Variants in TBC1D14 observed in about 807,000 individuals in gnomAD.
TBC1D14 encodes TBC1 domain family, member 14.
Under a neutral mutation model 79.0 loss-of-function variants are expected in TBC1D14, and 26 were observed. The observed-to-expected ratio is 0.33, with a 90% CI of 0.24 to 0.46. The LOEUF (loss-of-function observed/expected upper bound fraction) is 0.46, where lower values mean the gene tolerates loss of function less well. Ranked by LOEUF, TBC1D14 falls within the 20% of genes least tolerant of loss-of-function variation. TBC1D14 has a pLI of 1.00. For synonymous variants in TBC1D14, 394 were observed against 349.9 expected, an observed-to-expected ratio of 1.13 and a Z score of -1.40; for missense variants, 769 against 887.6, an observed-to-expected ratio of 0.87 and a Z score of 1.70.
At chr4:7,010,559 G>A (rs1272819969) in intron 10 of TBC1D14, 94 bp from the exon 11 acceptor site, 3 of 1,477,962 alleles carry the variant, frequency 2.0e-6, no homozygotes, top group Non-Finnish European at 2.7e-6. Flanking sequence ...CACTTCTAGT[G>A]TGAGGGTGGT....
chr4:6,990,390 A>C (rs1477545172), intron 3 of TBC1D14, among the ~76,000 whole-genome samples: 1 of 152,240 alleles, frequency 6.6e-6, no homozygotes, highest in African/African-American at 2.4e-5. Flanking sequence ...CAGAGGTTGC[A>C]GTGAGCCAAG....
chr4:7,025,703 C>T (rs1253796937), intron 13 of TBC1D14, among the ~76,000 whole-genome samples: 1 of 152,172 alleles, frequency 6.6e-6, no homozygotes, highest in Admixed American at 6.6e-5. Context: ...GTGGGATTAC[C>T]CCCCTCTTAC....
At chr4:7,023,552 G>C (rs1722035313) in intron 12 of TBC1D14, among the ~76,000 whole-genome samples, 1 of 152,224 alleles carries the variant, frequency 6.6e-6, no homozygotes. Flanking sequence ...TTTTGAAACA[G>C]CAAGAAGCTC....
intron 2 of TBC1D14, among the ~76,000 whole-genome samples, chr4:6,944,187 C>T (rs572055155): frequency 6.6e-6 from 1 of 152,054 alleles, no homozygotes; most frequent in East Asian, 1.9e-4. Flanking sequence ...TTTTTATTTC[C>T]TTGCAGACTT....
At chr4:6,938,724 G>A (rs538932072) in intron 2 of TBC1D14, among the ~76,000 whole-genome samples, 11 of 152,318 alleles carry the variant, frequency 7.2e-5, no homozygotes, top group African/African-American at 1.9e-4. Flanking sequence ...CTTGCCTCGC[G>A]GGCCTTCTGT....
chr4:6,938,360 C>G (rs1299362254), intron 2 of TBC1D14, among the ~76,000 whole-genome samples: 2 of 152,156 alleles, frequency 1.3e-5, no homozygotes, highest in Non-Finnish European at 2.9e-5. Flanking sequence ...TGGAGAGGGC[C>G]AGGCCAGGAT....
chr4:6,960,908 A>G lies in TBC1D14; in HGVS notation c.723-6396A>G, dbSNP rs549746289. Among the ~76,000 whole-genome samples, 14 of 152,304 alleles carry G rather than the reference A, an allele frequency of 9.2e-5. No homozygotes were observed. In the East Asian group the frequency reaches 1.5e-3, roughly 17 times the overall value. On this transcript the variant is annotated intron_variant, in intron 2 of 13. Coordinates refer to ENST00000409757, the MANE Select transcript of TBC1D14 (RefSeq NM_020773.3). ...CGAGAGAGGCCAGAATCGGTGTCCA[A>G]CGCGTACCTGACTACTCTTGTTGGG...
intron 1 of TBC1D14, among the ~76,000 whole-genome samples, chr4:6,912,294 C>T (rs1028949320): frequency 1.3e-5 from 2 of 151,806 alleles, no homozygotes; most frequent in Admixed American, 6.6e-5. Flanking sequence ...GCAGGAGAAT[C>T]GCTTGAACCC....
At chr4:6,930,236 T>G (rs1033909432) in intron 2 of TBC1D14, among the ~76,000 whole-genome samples, 1 of 152,216 alleles carries the variant, frequency 6.6e-6, no homozygotes, top group Non-Finnish European at 1.5e-5. Context: ...AATTGCTTCT[T>G]GAGCCATCGC....
chr4:6,956,308 C>T (rs909622738), intron 2 of TBC1D14, among the ~76,000 whole-genome samples: 2 of 152,108 alleles, frequency 1.3e-5, no homozygotes, highest in Admixed American at 6.6e-5. Context: ...GGACAGACCA[C>T]CCCTGGCCAG....
intron 8 of TBC1D14, 92 bp from the exon 9 acceptor site, chr4:7,006,540 C>T: frequency 1.7e-6 from 2 of 1,178,518 alleles, no homozygotes; most frequent in African/African-American, 1.5e-5. Flanking sequence ...AAACTTTTTT[C>T]CGTGTTTTGT....
intron 2 of TBC1D14, among the ~76,000 whole-genome samples, chr4:6,928,923 G>A (rs1282253272): frequency 5.3e-5 from 8 of 152,188 alleles, no homozygotes; most frequent in Non-Finnish European, 8.8e-5. Flanking sequence ...ATGTTTTTAT[G>A]TTGCCTGACT....
chr4:6,990,265 A>G (rs1406011980), intron 3 of TBC1D14, among the ~76,000 whole-genome samples: 2 of 152,180 alleles, frequency 1.3e-5, no homozygotes, highest in African/African-American at 4.8e-5. Context: ...CCTGGCCAAC[A>G]TGGCAAAACC....
chr4:7,009,859 C>T lies in TBC1D14; in HGVS notation c.1447-18C>T, dbSNP rs571820088. 12 of 1,613,908 alleles carry T rather than the reference C, an allele frequency of 7.4e-6. No homozygotes were observed. In the South Asian group the frequency reaches 1.3e-4, roughly 18 times the overall value. On this transcript the variant is annotated intron_variant, in intron 9 of 13. Transcript: ENST00000409757. The stretch of plus-strand genomic sequence containing the variant: ...AGTACTCATGCATGTGTTGTTTTTG[C>T]TGTGTTGATCCTTTTAGGGTGGTCC...
chr4:7,025,382 G>T (rs1722257374), intron 13 of TBC1D14, 120 bp downstream of exon 13: 1 of 1,460,246 alleles, frequency 6.8e-7, no homozygotes. Flanking sequence ...TCCCTGGGCT[G>T]GAACTGAGGG....
chr4:7,014,553 G>T lies in TBC1D14; in HGVS notation c.1753G>T (p.Asp585Tyr), dbSNP rs1385462204. 4 of 1,600,590 alleles carry T rather than the reference G, an allele frequency of 2.5e-6. No individual in the cohort carries two copies. In the South Asian group the frequency reaches 3.3e-5, roughly 13 times the overall value. ...NNLTPDIYLI[D>Y]WIFTLYSKSL... ...CCTAACTCCAGATATCTACCTAATT[G>T]ATTGGTAAGACTGGCTTTTCCCTGT... Residue 585 changes from aspartate to tyrosine, a missense_variant, in exon 12 of 14, where the codon GAT (aspartate) becomes TAT (tyrosine). Physicochemically the swap from Asp to Tyr is radical, Grantham distance 160. This residue lies in a region of TBC1D14 where 367 missense variants were observed against 494.4 expected (regional missense o/e 0.74). Coordinates refer to ENST00000409757, the MANE Select transcript of TBC1D14 (RefSeq NM_020773.3).
chr4:6,941,378 G>A (rs1712891546), intron 2 of TBC1D14, among the ~76,000 whole-genome samples: 1 of 152,022 alleles, frequency 6.6e-6, no homozygotes, highest in African/African-American at 2.4e-5. Context: ...TAAAGACAGG[G>A]TTTCACCATG....
intron 13 of TBC1D14, among the ~76,000 whole-genome samples, chr4:7,029,733 A>G (rs1429789796): frequency 1.3e-5 from 2 of 152,212 alleles, no homozygotes; most frequent in African/African-American, 2.4e-5. Flanking sequence ...GCTGAGGCAG[A>G]AGAATCTCTT....
chr4:7,010,460 C>T (rs1264797805), intron 10 of TBC1D14, among the ~76,000 whole-genome samples, 193 bp from the exon 11 acceptor site: 2 of 152,068 alleles, frequency 1.3e-5, no homozygotes, highest in Non-Finnish European at 2.9e-5. Context: ...TGAAGGAGAG[C>T]AGGCCGGGTG....
Sources: gnomAD v4.1 joint callset for allele counts (sites outside exome capture counted in the v4.1 genomes callset) on GRCh38, gnomAD v4.1.1 for gene constraint, gnomAD v4.1.1 regional missense constraint, MANE v1.5 for transcripts, NCBI Gene and HGNC (gene_info 2026-07-23, HGNC 2026-07-21) for gene names.